The following NUBPL variants were observed in gnomAD, a reference collection of about 807,000 sequenced individuals.
The protein encoded by NUBPL is NUBP iron-sulfur cluster assembly factor, mitochondrial, also known as iron-sulfur cluster transfer protein NUBPL.
A neutral mutation model predicts 45.7 loss-of-function variants in NUBPL; 31 were observed. The ratio of observed to expected loss-of-function variants is 0.68; its 90% CI spans 0.51 to 0.92. NUBPL has a LOEUF of 0.92. Among genes scored for constraint, NUBPL ranks in the 40% least tolerant of loss-of-function variants. The pLI, the probability that NUBPL is intolerant of heterozygous loss-of-function variation, is 0.00. For missense variants in NUBPL, 401 were observed against 398.7 expected, an observed-to-expected ratio of 1.01 and a Z score of -0.05; for synonymous variants, 144 against 140.9, an observed-to-expected ratio of 1.02 and a Z score of -0.15.
intron 2 of NUBPL, among the ~76,000 whole-genome samples, chr14:31,562,598 TTTTTTG>T (rs2033320378): frequency 8.0e-6 from 1 of 124,698 alleles, no homozygotes; most frequent in African/African-American, 3.1e-5. Flanking sequence ...GTAACTTTTT[TTTTTTG>T]TTTTTTTTTT....
At chr14:31,668,739 C>T (rs1007206847) in intron 4 of NUBPL, among the ~76,000 whole-genome samples, 5 of 152,192 alleles carry the variant, frequency 3.3e-5, no homozygotes, top group East Asian at 1.9e-4. Flanking sequence ...TAGGAAAAGC[C>T]TAGTAGCTGA....
chr14:31,786,419 T>A (rs1183765717), intron 6 of NUBPL, among the ~76,000 whole-genome samples: 1 of 152,216 alleles, frequency 6.6e-6, no homozygotes, highest in Non-Finnish European at 1.5e-5. Context: ...CTCACTGCTC[T>A]CTAGCCATAT....
chr14:31,642,066 A>T (rs540817252), intron 4 of NUBPL, among the ~76,000 whole-genome samples: 7 of 152,112 alleles, frequency 4.6e-5, no homozygotes, highest in African/African-American at 1.7e-4. Flanking sequence ...AACTCCTGCT[A>T]TGTTCTCTTT....
chr14:31,627,773 A>AG (rs1323862242), intron 4 of NUBPL, among the ~76,000 whole-genome samples: 1 of 151,758 alleles, frequency 6.6e-6, no homozygotes, highest in Non-Finnish European at 1.5e-5. Context: ...CTCAAAAAAA[A>AG]AAAAAAAAAA....
chr14:31,770,409 A>G (rs188541174), intron 6 of NUBPL, among the ~76,000 whole-genome samples: 97 of 152,212 alleles, frequency 6.4e-4, no homozygotes, highest in African/African-American at 2.2e-3. Context: ...CTGGGTGGGG[A>G]CTACAGGAAG....
chr14:31,601,285 G>A (rs916834289), intron 4 of NUBPL, among the ~76,000 whole-genome samples: 9 of 152,102 alleles, frequency 5.9e-5, no homozygotes, highest in African/African-American at 2.2e-4. Context: ...TTCCAATTCT[G>A]TGAAGAAAGT....
chr14:31,784,390 G>A (rs950592062), intron 6 of NUBPL, among the ~76,000 whole-genome samples: 30 of 152,098 alleles, frequency 2.0e-4, no homozygotes, highest in Admixed American at 4.6e-4. Context: ...AGGTTAAGAG[G>A]GAAGTTAATG....
intron 4 of NUBPL, among the ~76,000 whole-genome samples, chr14:31,634,478 C>T (rs1310121255): frequency 3.3e-5 from 5 of 151,902 alleles, no homozygotes; most frequent in Admixed American, 2.0e-4. Flanking sequence ...TTTCTTAATC[C>T]AGTCTATCAT....
intron 4 of NUBPL, among the ~76,000 whole-genome samples, chr14:31,672,064 T>TA (rs2036582753): frequency 6.6e-6 from 1 of 152,210 alleles, no homozygotes; most frequent in Non-Finnish European, 1.5e-5. Context: ...TAAAACAAAT[T>TA]ATATTTTATT....
rs116779111 is a variant in NUBPL, at chr14:31,624,963, C to T, written c.382+25584C>T. Among the ~76,000 whole-genome samples, 992 of 152,332 alleles carry T rather than the reference C, an allele frequency of 6.5e-3. 11 individuals are homozygous for T. Among genetic ancestry groups the T allele is most frequent in the African/African-American group, 0.022 (929 of 41,572 alleles). On this transcript the variant is annotated intron_variant, in intron 4 of 10. Transcript: ENST00000281081. ...CTAATATCCTCCAATGCACAAGACA[C>T]TCTCCCACAACAAATTATTATCCAG...
chr14:31,723,594 C>T (rs765850055), intron 6 of NUBPL, among the ~76,000 whole-genome samples: 12 of 152,150 alleles, frequency 7.9e-5, no homozygotes, highest in Non-Finnish European at 1.5e-4. Flanking sequence ...AATGTATTTC[C>T]ATTTGTTTGT....
intron 6 of NUBPL, among the ~76,000 whole-genome samples, chr14:31,723,053 T>C (rs953085133): frequency 2.0e-5 from 3 of 152,242 alleles, no homozygotes; most frequent in Admixed American, 6.5e-5. Context: ...CTAGGTTGTC[T>C]TCCAGGATTT....
At chr14:31,727,760 A>G (rs914178231) in intron 6 of NUBPL, among the ~76,000 whole-genome samples, 4 of 152,200 alleles carry the variant, frequency 2.6e-5, no homozygotes, top group Non-Finnish European at 4.4e-5. Flanking sequence ...GCAAGTTCTA[A>G]TAAATCCAAA....
intron 6 of NUBPL, among the ~76,000 whole-genome samples, chr14:31,683,388 C>T (rs1366719204): frequency 9.4e-6 from 1 of 106,448 alleles, no homozygotes; most frequent in African/African-American, 3.8e-5. Context: ...GAGACAGGGT[C>T]TCACTCTGTC....
chr14:31,787,537 C>T (rs530229802), intron 6 of NUBPL, among the ~76,000 whole-genome samples: 7 of 152,244 alleles, frequency 4.6e-5, no homozygotes, highest in South Asian at 4.1e-4. Flanking sequence ...TCAACATTAA[C>T]GTGTGTGTAT....
At chr14:31,708,438 T>C (rs532787157) in intron 6 of NUBPL, among the ~76,000 whole-genome samples, 50 of 152,258 alleles carry the variant, frequency 3.3e-4, no homozygotes, top group African/African-American at 1.1e-3. Flanking sequence ...AATGGGTAAC[T>C]TGTTCCCCAT....
chr14:31,715,848 A>G (rs1453424423), intron 6 of NUBPL, among the ~76,000 whole-genome samples: 2 of 152,216 alleles, frequency 1.3e-5, no homozygotes, highest in Non-Finnish European at 1.5e-5. Context: ...GCCTTAGCTT[A>G]CTGTAACTTT....
intron 6 of NUBPL, among the ~76,000 whole-genome samples, chr14:31,739,701 C>T (rs1324307162): frequency 6.6e-6 from 1 of 152,106 alleles, no homozygotes; most frequent in Non-Finnish European, 1.5e-5. Context: ...TTAGAGTTCA[C>T]TCTTGGTGCT....
chr14:31,742,466 A>G (rs2038307014), intron 6 of NUBPL, among the ~76,000 whole-genome samples: 1 of 152,190 alleles, frequency 6.6e-6, no homozygotes, highest in South Asian at 2.1e-4. Context: ...TGTATTATTA[A>G]CAAGCTTCTA....
Sources: gnomAD v4.1 joint callset for allele counts (sites outside exome capture counted in the v4.1 genomes callset) on GRCh38, gnomAD v4.1.1 for gene constraint, MANE v1.5 for transcripts, NCBI Gene and HGNC (gene_info 2026-07-23, HGNC 2026-07-21) for gene names.